Variants in EML6 observed in about 807,000 individuals in gnomAD.
EML6 encodes the protein EMAP like 6.
In EML6, 154 loss-of-function variants were observed where a neutral mutation model predicts 240.1. The observed-to-expected ratio is 0.64, with a 90% CI of 0.56 to 0.73. The LOEUF (loss-of-function observed/expected upper bound fraction) is 0.73. Among genes scored for constraint, EML6 ranks in the 30% least tolerant of loss-of-function variants. The pLI, the probability that EML6 is intolerant of heterozygous loss-of-function variation, is 0.00. For synonymous variants in EML6, 1,148 were observed against 899.0 expected (o/e 1.28, Z -4.95); for missense variants, 2,964 against 2,474.6 (o/e 1.20, Z -4.20).
chr2:54,741,925 T>G (rs1416952301), intron 2 of EML6, among the ~76,000 whole-genome samples: 1 of 152,092 alleles, frequency 6.6e-6, no homozygotes, highest in African/African-American at 2.4e-5. Flanking sequence ...AGTGATGAAG[T>G]TTTGTTGAGA....
chr2:54,802,993 G>A (rs529691291), intron 2 of EML6, among the ~76,000 whole-genome samples: 1 of 152,122 alleles, frequency 6.6e-6, no homozygotes, highest in Non-Finnish European at 1.5e-5. Flanking sequence ...TGGGAACTTG[G>A]GAGACTGGGG....
rs367743301 is a variant in EML6, at chr2:54,917,329, C to G, written c.3675+394C>G. Among the ~76,000 whole-genome samples the G allele has an allele frequency of 2.0e-5, 3 of 149,128 alleles. No homozygotes were observed. The East Asian group carries it at 5.9e-4, about 29-fold the overall frequency. ...TTAAAACGTTTTTATCTATCTTGAG[C>G]TGAATTCTCTTCTTCCCTTTTTTTT... On this transcript the variant is annotated intron_variant, in intron 26 of 41. Transcript: ENST00000356458.
chr2:54,869,510 C>T (rs1432356519), intron 15 of EML6, 143 bp downstream of exon 15: 4 of 694,324 alleles, frequency 5.8e-6, no homozygotes, highest in Non-Finnish European at 9.5e-6. Context: ...TTGGATCCTT[C>T]CAAGATCATG....
chr2:54,956,066 G>C (rs529303980), intron 32 of EML6, among the ~76,000 whole-genome samples: 16 of 152,156 alleles, frequency 1.1e-4, no homozygotes, highest in Non-Finnish European at 2.9e-5. Flanking sequence ...CTAAAAATGA[G>C]CTTATTACAT....
intron 26 of EML6, among the ~76,000 whole-genome samples, chr2:54,918,380 G>T (rs1449513961): frequency 6.6e-6 from 1 of 152,106 alleles, no homozygotes; most frequent in Non-Finnish European, 1.5e-5. Flanking sequence ...ACAGGGTTTT[G>T]CTGTGTTTCC....
chr2:54,853,272 A>T (rs191669667), intron 10 of EML6, among the ~76,000 whole-genome samples: 21 of 152,332 alleles, frequency 1.4e-4, no homozygotes, highest in Admixed American at 9.8e-4. Flanking sequence ...GTATCAAGGT[A>T]ATTAAGTAAT....
chr2:54,799,130 G>C (rs569560433), intron 2 of EML6, among the ~76,000 whole-genome samples: 4 of 152,056 alleles, frequency 2.6e-5, no homozygotes, highest in Non-Finnish European at 4.4e-5. Flanking sequence ...GCACCATCTC[G>C]GTTCACTGCA....
intron 2 of EML6, among the ~76,000 whole-genome samples, chr2:54,793,796 A>C (rs976576830): frequency 4.6e-5 from 7 of 151,834 alleles, no homozygotes; most frequent in Admixed American, 3.9e-4. Context: ...AACTTCCCCA[A>C]CTCCCACCTC....
intron 36 of EML6, among the ~76,000 whole-genome samples, chr2:54,963,711 C>T (rs1404024690): frequency 6.6e-6 from 1 of 152,224 alleles, no homozygotes; most frequent in African/African-American, 2.4e-5. Context: ...GCGACAGAGA[C>T]TATGGCCCAC....
intron 5 of EML6, among the ~76,000 whole-genome samples, chr2:54,823,878 T>TCTCTCTCTGTCTCTC (rs60937620): frequency 4.6e-5 from 6 of 129,124 alleles, no homozygotes; most frequent in African/African-American, 2.1e-4. Flanking sequence ...CTCTCTCTCT[T>TCTCTCTCTGTCTCTC]TCTGTCTCTC....
intron 28 of EML6, among the ~76,000 whole-genome samples, chr2:54,938,150 A>G (rs1470078673): frequency 6.6e-6 from 1 of 152,226 alleles, no homozygotes; most frequent in African/African-American, 2.4e-5. Flanking sequence ...GTTCGAGACC[A>G]GCCTGGCCAA....
chr2:54,952,782 T>C, intron 31 of EML6, 90 bp downstream of exon 31: 1 of 826,830 alleles, frequency 1.2e-6, no homozygotes, highest in South Asian at 1.5e-5. Context: ...GGTGGGTTGC[T>C]TACATCCATC....
chr2:54,964,688 C>T lies in EML6; in HGVS notation c.5448C>T (p.Ser1816=), dbSNP rs986802378. 4 of 1,552,204 alleles carry T rather than the reference C, an allele frequency of 2.6e-6. No individual in the cohort carries two copies. Among genetic ancestry groups the T allele is most frequent in the South Asian group, 1.2e-5 (1 of 84,066 alleles). ...NRIGYCKDIP[S]FVIQMDFSAD... ...TTGGCTACTGCAAAGATATCCCAAG[C>T]TTTGTCATTCAGATGGATTTTTCTG... The change falls in exon 38 of 42, where the codon AGC becomes AGT. Residue 1816 remains serine, a synonymous_variant. Transcript: ENST00000356458.
chr2:54,802,668 G>A (rs2021114), intron 2 of EML6, among the ~76,000 whole-genome samples: 110 of 69,272 alleles, frequency 1.6e-3, no homozygotes, highest in African/African-American at 5.2e-3. Context: ...TACTACTACT[G>A]CTACTACTAC....
rs1558683325 is a variant in EML6 at position 54,916,901 on chromosome 2, T to A, written c.3641T>A (p.Phe1214Tyr). Reference sequence around the variant, plus strand: ...TCCCTTTTAGCCACCGGAGATGATTTTGGTTTCGTTAAGCTTTTTTCATAT... The same window carrying A: ...TCCCTTTTAGCCACCGGAGATGATTATGGTTTCGTTAAGCTTTTTTCATAT... ...DCSLLATGDD[F>Y]GFVKLFSYPV... The change falls in exon 26 of 42, where the codon TTT (phenylalanine) becomes TAT (tyrosine). Residue 1214 changes from phenylalanine to tyrosine, a missense_variant. Phe to Tyr is a conservative substitution (Grantham distance 22). Coordinates refer to ENST00000356458, the MANE Select transcript of EML6 (RefSeq NM_001039753.4). 1 of 1,548,138 alleles carries A rather than the reference T, an allele frequency of 6.5e-7. No homozygotes were observed. Among genetic ancestry groups the A allele is most frequent in the African/African-American group, 1.4e-5 (1 of 73,126 alleles).
intron 5 of EML6, among the ~76,000 whole-genome samples, chr2:54,826,710 T>C (rs982793762): frequency 6.6e-6 from 1 of 152,234 alleles, no homozygotes; most frequent in African/African-American, 2.4e-5. Context: ...TGTATGGTCT[T>C]CTACACAATG....
rs578100896 is a variant in EML6, at chr2:54,912,944, A to G, written c.3498+1902A>G. On this transcript the variant is annotated intron_variant, in intron 25 of 41. Transcript: ENST00000356458. ...GTACCCAGTAATGGTATTGCTGAGT[A>G]GAATGGTAATTCTTTTTTAAGTTCT... is the stretch of plus-strand genomic sequence containing the variant. Among the ~76,000 whole-genome samples the G allele has an allele frequency of 5.9e-5, 9 of 152,298 alleles. No individual in the cohort carries two copies. The East Asian group carries it at 1.7e-3, about 29-fold the overall frequency.
chr2:54,744,362 C>T (rs1464154215), intron 2 of EML6, among the ~76,000 whole-genome samples: 2 of 151,926 alleles, frequency 1.3e-5, no homozygotes, highest in Non-Finnish European at 2.9e-5. Context: ...AAAGTGACCC[C>T]GAGGGATAAA....
intron 32 of EML6, among the ~76,000 whole-genome samples, chr2:54,954,734 C>T (rs1158850894): frequency 7.2e-5 from 11 of 152,184 alleles, no homozygotes; most frequent in Admixed American, 3.9e-4. Context: ...CACATGCACA[C>T]ACACAAGCTG....
Sources: gnomAD v4.1 joint callset for allele counts (sites outside exome capture counted in the v4.1 genomes callset) on GRCh38, gnomAD v4.1.1 for gene constraint, MANE v1.5 for transcripts, NCBI Gene and HGNC (gene_info 2026-07-23, HGNC 2026-07-21) for gene names.